The following CYTH1 variants were observed in gnomAD, a reference collection of about 807,000 sequenced individuals.
The protein encoded by CYTH1 is cytohesin-1.
Under a neutral mutation model 61.8 loss-of-function variants are expected in CYTH1, and 18 were observed. That is an observed-to-expected ratio of 0.29 (90% CI 0.20 to 0.43). CYTH1 has a LOEUF of 0.43. Among genes scored for constraint, CYTH1 ranks in the 20% least tolerant of loss-of-function variants. CYTH1 has a pLI of 1.00. For missense variants in CYTH1, 336 were observed against 510.5 expected (o/e 0.66, Z 3.29); for synonymous variants, 174 against 184.3 (o/e 0.94, Z 0.45).
At chr17:78,771,527 T>G (rs1262835113) in intron 1 of CYTH1, among the ~76,000 whole-genome samples, 4 of 151,952 alleles carry the variant, frequency 2.6e-5, no homozygotes, top group African/African-American at 9.7e-5. Context: ...GGTCAGGAGA[T>G]AGACACCATC....
chr17:78,676,885 A>G (rs141452077), intron 13 of CYTH1: 43 of 408,804 alleles, frequency 1.1e-4, no homozygotes, highest in African/African-American at 6.4e-4. Flanking sequence ...CAAGCAACTT[A>G]TGGTCTAAAA....
chr17:78,703,024 G>A (rs2093029044), intron 3 of CYTH1, among the ~76,000 whole-genome samples: 1 of 152,062 alleles, frequency 6.6e-6, no homozygotes, highest in African/African-American at 2.4e-5. Context: ...GGGCTCAAAT[G>A]ATCTGCCTGC....
chr17:78,698,148 C>T (rs374548494), intron 9 of CYTH1, 121 bp downstream of exon 9: 60 of 822,140 alleles, frequency 7.3e-5, no homozygotes, highest in African/African-American at 4.4e-4. Context: ...CACACGCACG[C>T]GCACACATGC....
rs71385973 is a variant in CYTH1 at position 78,675,915 on chromosome 17, A to G, written c.*176T>C. On this transcript the variant is annotated 3_prime_UTR_variant, in exon 14 of 14. Transcript: ENST00000446868. ...GTGGCCGGTCCTCTCTTCCCCAGTG[A>G]TAACTGCCCACCCTTCTCCCACTTA... The G allele has an allele frequency of 0.056, 85,599 of 1,534,808 alleles. 2,736 individuals carry two copies. The highest frequency in any genetic ancestry group is 0.091 in the Middle Eastern group (529 of 5,828).
intron 1 of CYTH1, 119 bp from the exon 2 acceptor site, chr17:78,709,851 A>G: frequency 1.2e-6 from 1 of 802,590 alleles, no homozygotes. Context: ...AGTTTCAGAA[A>G]TGACTGAGTG....
At position 78,773,696 on chromosome 17, in the gene CYTH1, G is replaced by A. The variant is rs542646904; in HGVS notation, c.22+8506C>T. Among the ~76,000 whole-genome samples, 34 of 151,446 alleles carry A rather than the reference G, an allele frequency of 2.2e-4. 1 individual carries two copies. The highest frequency in any genetic ancestry group is 6.5e-4 in the African/African-American group (27 of 41,278). ...TCTATTTAATTCACAATTTCTTCTC[G>A]TAAGGAAACATTTTGTAGTTGGCCA... On this transcript the variant is annotated intron_variant, in intron 1 of 13. Coordinates refer to ENST00000446868, the MANE Select transcript of CYTH1 (RefSeq NM_004762.6).
intron 1 of CYTH1, among the ~76,000 whole-genome samples, chr17:78,714,708 C>T (rs1333244568): frequency 6.6e-6 from 1 of 152,166 alleles, no homozygotes; most frequent in Non-Finnish European, 1.5e-5. Flanking sequence ...AGCCTCCCTG[C>T]CCACAAGGCC....
At chr17:78,695,482 T>C (rs55779573) in intron 10 of CYTH1, among the ~76,000 whole-genome samples, 61,396 of 152,092 alleles carry the variant, frequency 0.4, 14,962 homozygotes, top group Non-Finnish European at 0.54. Flanking sequence ...TTTAGTTCTT[T>C]CCCTAGTTTG....
chr17:78,761,772 C>T (rs180705266), intron 1 of CYTH1, among the ~76,000 whole-genome samples: 446 of 152,248 alleles, frequency 2.9e-3, no homozygotes, highest in African/African-American at 9.8e-3. Flanking sequence ...TTTTTAAAAA[C>T]TTTTTAAAGC....
chr17:78,715,694 G>GC (rs916737813), intron 1 of CYTH1, among the ~76,000 whole-genome samples: 44 of 152,148 alleles, frequency 2.9e-4, no homozygotes, highest in Non-Finnish European at 4.4e-5. Flanking sequence ...AATGAAACAT[G>GC]CCCCCCGAGT....
chr17:78,708,944 G>A (rs377468348), intron 2 of CYTH1: 1 of 152,188 alleles, frequency 6.6e-6, no homozygotes, highest in Non-Finnish European at 1.5e-5. Context: ...TGCTACTTTG[G>A]GCAACAGGAT....
intron 1 of CYTH1, among the ~76,000 whole-genome samples, chr17:78,780,740 C>T (rs1250864789): frequency 6.6e-6 from 1 of 152,158 alleles, no homozygotes; most frequent in Non-Finnish European, 1.5e-5. Context: ...GGCGCGGTGG[C>T]TCATGCCTGT....
intron 1 of CYTH1, among the ~76,000 whole-genome samples, chr17:78,772,194 A>G (rs1206523964): frequency 1.3e-5 from 2 of 152,142 alleles, no homozygotes; most frequent in Non-Finnish European, 2.9e-5. Context: ...TGGAGAGGAG[A>G]GCAGGAAAGG....
intron 8 of CYTH1, 122 bp downstream of exon 8, chr17:78,698,698 A>AAAC (rs2092973233): frequency 1.6e-6 from 2 of 1,225,666 alleles, no homozygotes; most frequent in African/African-American, 3.1e-5. Flanking sequence ...TCACATGGTT[A>AAAC]AACAAATTAA....
At chr17:78,733,076 CAAAAAAAAAAAAAAAAAA>C (rs56020680) in intron 1 of CYTH1, among the ~76,000 whole-genome samples, 10 of 47,694 alleles carry the variant, frequency 2.1e-4, no homozygotes, top group South Asian at 2.7e-3. Flanking sequence ...GACTCCATCT[CAAAAAAAAAAAAAAAAAA>C]AAAAAAAAAA....
intron 3 of CYTH1, among the ~76,000 whole-genome samples, chr17:78,703,392 CA>C (rs1437204772): frequency 9.1e-6 from 1 of 110,320 alleles, no homozygotes; most frequent in Non-Finnish European, 1.7e-5. Flanking sequence ...GCCCGGGTGA[CA>C]GAGTGAGACT....
chr17:78,779,426 AAG>A (rs1326736807), intron 1 of CYTH1, among the ~76,000 whole-genome samples: 2 of 148,412 alleles, frequency 1.3e-5, no homozygotes, highest in African/African-American at 5.0e-5. Context: ...AAAAAAAAGA[AAG>A]GGGAAGAATA....
intron 1 of CYTH1, among the ~76,000 whole-genome samples, chr17:78,728,651 G>C (rs2093278419): frequency 6.6e-6 from 1 of 152,090 alleles, no homozygotes; most frequent in Non-Finnish European, 1.5e-5. Context: ...ACAATAGTCA[G>C]AAAAATATGA....
At chr17:78,761,513 C>T (rs554326188) in intron 1 of CYTH1, among the ~76,000 whole-genome samples, 24 of 152,126 alleles carry the variant, frequency 1.6e-4, no homozygotes, top group South Asian at 2.1e-4. Flanking sequence ...CCGAGGCGGG[C>T]GGATCACGAG....
Sources: gnomAD v4.1 joint callset for allele counts (sites outside exome capture counted in the v4.1 genomes callset) on GRCh38, gnomAD v4.1.1 for gene constraint, MANE v1.5 for transcripts, NCBI Gene and HGNC (gene_info 2026-07-23, HGNC 2026-07-21) for gene names.